The following MTUS2 variants were observed in gnomAD, a reference collection of about 807,000 sequenced individuals.
The protein encoded by MTUS2 is microtubule associated scaffold protein 2.
Under a neutral mutation model 114.1 loss-of-function variants are expected in MTUS2, and 40 were observed. The ratio of observed to expected loss-of-function variants is 0.35; its 90% confidence interval spans 0.27 to 0.46. MTUS2 has a LOEUF of 0.46. MTUS2 is among the 20% of genes least tolerant of loss of function. The pLI is 1.00. For synonymous variants in MTUS2, 688 were observed against 672.0 expected, an observed-to-expected ratio of 1.02 and a Z score of -0.37; for missense variants, 1,679 against 1,705.4, an observed-to-expected ratio of 0.98 and a Z score of 0.27.
At chr13:29,185,041 A>G (rs186391524) in intron 5 of MTUS2, among the ~76,000 whole-genome samples, 2 of 152,240 alleles carry the variant, frequency 1.3e-5, no homozygotes, top group Admixed American at 1.3e-4. Context: ...TATCAGAACA[A>G]TGCCTCCCTA....
intron 7 of MTUS2, among the ~76,000 whole-genome samples, chr13:29,330,251 CTGT>C (rs993880979): frequency 4.6e-5 from 7 of 152,142 alleles, no homozygotes; most frequent in Non-Finnish European, 8.8e-5. Context: ...TGAGAAGTGT[CTGT>C]TGATTTCCTT....
intron 4 of MTUS2, among the ~76,000 whole-genome samples, chr13:29,064,508 T>C (rs1888573418): frequency 6.6e-6 from 1 of 150,818 alleles, no homozygotes; most frequent in Non-Finnish European, 1.5e-5. Context: ...GGATAAGTAA[T>C]GTAGGGAGGC....
chr13:29,216,194 A>G (rs1288736858), intron 5 of MTUS2, among the ~76,000 whole-genome samples: 1 of 152,130 alleles, frequency 6.6e-6, no homozygotes, highest in Non-Finnish European at 1.5e-5. Context: ...GAAACTGCCT[A>G]CTCAGGTTTC....
At chr13:28,929,293 T>C (rs1881488829) in intron 2 of MTUS2, among the ~76,000 whole-genome samples, 1 of 152,188 alleles carries the variant, frequency 6.6e-6, no homozygotes, top group Non-Finnish European at 1.5e-5. Flanking sequence ...CTATTGTACA[T>C]TTCAGGATAG....
chr13:29,338,180 A>G (rs146582748), intron 7 of MTUS2, among the ~76,000 whole-genome samples: 87 of 152,262 alleles, frequency 5.7e-4, no homozygotes, highest in African/African-American at 1.9e-3. Context: ...CCGATAGTCT[A>G]GGGCTTGTTT....
At chr13:28,872,656 A>G (rs1252989076) in intron 2 of MTUS2, among the ~76,000 whole-genome samples, 1 of 152,122 alleles carries the variant, frequency 6.6e-6, no homozygotes, top group Non-Finnish European at 1.5e-5. Context: ...TGGTTTAGCA[A>G]TCAGCTCTTG....
At chr13:29,094,008 A>T (rs1205461522) in intron 4 of MTUS2, among the ~76,000 whole-genome samples, 1 of 152,170 alleles carries the variant, frequency 6.6e-6, no homozygotes. Context: ...GGTATAGTAC[A>T]TGGATTAATT....
At chr13:29,121,436 T>TACACAC (rs34032510) in intron 5 of MTUS2, among the ~76,000 whole-genome samples, 37 of 150,324 alleles carry the variant, frequency 2.5e-4, no homozygotes, top group South Asian at 6.4e-4. Context: ...TGTAATGAAA[T>TACACAC]ACACACACAC....
intron 5 of MTUS2, among the ~76,000 whole-genome samples, chr13:29,191,530 T>C (rs1475290216): frequency 1.3e-5 from 2 of 152,082 alleles, no homozygotes; most frequent in Non-Finnish European, 2.9e-5. Context: ...TTTGCCGTGT[T>C]TGTGAAGGAG....
rs558234447 is a variant in MTUS2 at position 29,025,072 on chromosome 13, G to A, written c.374G>A (p.Arg125Gln). ...GGCACAGATAGCCTGCAGACCACGCGGAGTATTCAGGGACCAAGTCTGTCG... is the reference window on the plus strand; with the variant it reads ...GGCACAGATAGCCTGCAGACCACGCAGAGTATTCAGGGACCAAGTCTGTCG... ...ERGTDSLQTT[R>Q]SIQGPSLSSW... The change falls in exon 3 of 16, where the codon CGG becomes CAG. Residue 125 changes from arginine to glutamine, a missense_variant. Physicochemically the swap from Arg to Gln is conservative, Grantham distance 43 (BLOSUM62 1). Coordinates refer to ENST00000612955, the MANE Select transcript of MTUS2 (RefSeq NM_001033602.4). The A allele has an allele frequency of 9.3e-6, 15 of 1,613,740 alleles. No individual in the cohort carries two copies. Among genetic ancestry groups the A allele is most frequent in the African/African-American group, 2.7e-5 (2 of 74,866 alleles).
chr13:28,986,774 T>C (rs919899126), intron 2 of MTUS2, among the ~76,000 whole-genome samples: 2 of 152,200 alleles, frequency 1.3e-5, no homozygotes, highest in Non-Finnish European at 2.9e-5. Context: ...AGCTGTGCTA[T>C]CCACTAGGGA....
At chr13:29,149,957 C>T (rs1301597968) in intron 5 of MTUS2, among the ~76,000 whole-genome samples, 1 of 152,138 alleles carries the variant, frequency 6.6e-6, no homozygotes, top group Non-Finnish European at 1.5e-5. Context: ...TGTGATGCTT[C>T]CAGCTTTGTT....
chr13:28,826,738 G>A (rs755074619), intron 1 of MTUS2, among the ~76,000 whole-genome samples: 2 of 152,212 alleles, frequency 1.3e-5, no homozygotes, highest in Non-Finnish European at 2.9e-5. Flanking sequence ...TTGATACACT[G>A]ATTTTAAGTG....
At position 28,925,606 on chromosome 13, in the gene MTUS2, T is replaced by C. The variant is rs74491625; in HGVS notation, c.-243+85756T>C. ...CATTGGTGAGAGAAACTCTACCTCA[T>C]GGTTAAGGACCCAGGGCTGAGTTCA... is the stretch of plus-strand genomic sequence containing the variant. On this transcript the variant is annotated intron_variant, in intron 2 of 15. Coordinates refer to ENST00000612955, the MANE Select transcript of MTUS2 (RefSeq NM_001033602.4). 2.0e-3 allele frequency among the ~76,000 whole-genome samples: 303 copies of C among 152,320 alleles called. 1 individual carries two copies. The highest frequency in any genetic ancestry group is 7.0e-3 in the African/African-American group (291 of 41,572).
intron 6 of MTUS2, among the ~76,000 whole-genome samples, chr13:29,292,619 GAA>G: frequency 6.6e-6 from 1 of 152,126 alleles, no homozygotes; most frequent in South Asian, 2.1e-4. Context: ...ATTAAGAAAA[GAA>G]TGACCTGAAA....
chr13:29,225,124 A>G (rs1271937949), intron 5 of MTUS2, among the ~76,000 whole-genome samples: 1 of 152,202 alleles, frequency 6.6e-6, no homozygotes, highest in Non-Finnish European at 1.5e-5. Context: ...TGGGCAGCAG[A>G]GCACACCCAG....
chr13:29,402,448 A>C (rs565306271), intron 8 of MTUS2, among the ~76,000 whole-genome samples: 5 of 152,294 alleles, frequency 3.3e-5, no homozygotes, highest in African/African-American at 1.2e-4. Flanking sequence ...AATTCATGGT[A>C]AGCATAAAAC....
intron 8 of MTUS2, among the ~76,000 whole-genome samples, chr13:29,395,531 G>A (rs1359510003): frequency 1.3e-5 from 2 of 152,224 alleles, no homozygotes; most frequent in Non-Finnish European, 2.9e-5. Context: ...GATGTCAGTT[G>A]AGAAGGTAGG....
intron 2 of MTUS2, among the ~76,000 whole-genome samples, chr13:28,915,775 T>G (rs969077182): frequency 2.0e-5 from 3 of 151,928 alleles, no homozygotes; most frequent in Non-Finnish European, 4.4e-5. Flanking sequence ...TGTGTTTTGT[T>G]TGCTGTACAG....
Sources: allele counts gnomAD v4.1 joint callset (sites outside exome capture counted in the v4.1 genomes callset), GRCh38; gene constraint gnomAD v4.1.1; transcripts MANE v1.5; gene names NCBI Gene and HGNC (gene_info 2026-07-23, HGNC 2026-07-21).